The following TSPEAR variants were observed in gnomAD, a reference collection of about 807,000 sequenced individuals.
TSPEAR encodes thrombospondin type laminin G domain and EAR repeats.
In TSPEAR, 69 loss-of-function variants were observed where a neutral mutation model predicts 71.6. The observed-to-expected ratio is 0.96, with a 90% CI of 0.79 to 1.18. TSPEAR has a LOEUF of 1.18. Ranked by LOEUF, TSPEAR falls within the 50% of genes most tolerant of loss-of-function variation. TSPEAR has a pLI of 0.00. For synonymous variants in TSPEAR, 402 were observed against 387.2 expected (o/e 1.04, Z -0.45); for missense variants, 971 against 894.9 (o/e 1.09, Z -1.09).
chr21:44,587,057 A>G (rs1979382979), intron 1 of TSPEAR, among the ~76,000 whole-genome samples: 1 of 152,220 alleles, frequency 6.6e-6, no homozygotes, highest in South Asian at 2.1e-4. Flanking sequence ...GACAAGAGAA[A>G]GAAATAAAAG....
chr21:44,583,798 GTGA>G (rs10699043), intron 1 of TSPEAR, among the ~76,000 whole-genome samples: 129,923 of 152,060 alleles, frequency 0.85, 57,477 homozygotes, highest in Non-Finnish European at 0.97. Flanking sequence ...TACACATTGT[GTGA>G]TGATTACCAC....
chr21:44,646,266 T>G (rs910376086), intron 1 of TSPEAR: 30 of 723,242 alleles, frequency 4.1e-5, no homozygotes, highest in Non-Finnish European at 6.5e-5. Flanking sequence ...TAAACCAGCA[T>G]GAATGATGCA....
rs587768518 is a variant in TSPEAR, at chr21:44,514,389, C to T, written c.1567-5003G>A. ...GTACACACACGTGTGCATGAGTGTG[C>T]ATGTACATGTGTGTTGAGCCATGGG... is the stretch of plus-strand genomic sequence containing the variant. On this transcript the variant is annotated intron_variant, in intron 9 of 11. Coordinates refer to ENST00000323084, the MANE Select transcript of TSPEAR (RefSeq NM_144991.3). 3.3e-5 allele frequency among the ~76,000 whole-genome samples: 5 copies of T among 151,240 alleles called. No individual in the cohort carries two copies. In the South Asian group the frequency reaches 1.0e-3, roughly 31 times the overall value.
chr21:44,644,967 C>A (rs1984228935), intron 1 of TSPEAR, among the ~76,000 whole-genome samples: 1 of 152,044 alleles, frequency 6.6e-6, no homozygotes, highest in Non-Finnish European at 1.5e-5. Flanking sequence ...TGACAAATGA[C>A]CAGTATCAGA....
At chr21:44,616,767 C>T (rs114307599) in intron 1 of TSPEAR, among the ~76,000 whole-genome samples, 1,805 of 152,374 alleles carry the variant, frequency 0.012, 35 homozygotes, top group African/African-American at 0.041. Flanking sequence ...ACAGAGTCTG[C>T]GGTGTGACCA....
rs1178967120 is a variant in TSPEAR at position 44,710,362 on chromosome 21, G to A, written c.82+1071C>T. ...CTACCTCCCACTGCACAGCCCGAGG[G>A]CTGTCCTGGAGGCACAGCCATCCGT... is the stretch of plus-strand genomic sequence containing the variant. On this transcript the variant is annotated intron_variant, in intron 1 of 11. Coordinates refer to ENST00000323084, the MANE Select transcript of TSPEAR (RefSeq NM_144991.3). The surrounding 1 kb of genome is among the most constrained non-coding windows in gnomAD (Gnocchi z 4.6). Among the ~76,000 whole-genome samples, 4 of 151,922 alleles carry A rather than the reference G, an allele frequency of 2.6e-5. No homozygotes were observed. Among genetic ancestry groups the A allele is most frequent in the Non-Finnish European group, 2.9e-5 (2 of 67,974 alleles).
chr21:44,679,363 G>T (rs1555947552), intron 1 of TSPEAR, among the ~76,000 whole-genome samples: 1 of 152,092 alleles, frequency 6.6e-6, no homozygotes, highest in East Asian at 1.9e-4. Flanking sequence ...CCTCTGCAAA[G>T]AAAACTACAA....
chr21:44,529,702 G>C, intron 5 of TSPEAR, 96 bp downstream of exon 5: 1 of 1,405,132 alleles, frequency 7.1e-7, no homozygotes, highest in East Asian at 2.3e-5. Flanking sequence ...AGGCACACGA[G>C]AGGGGCTGAG....
intron 2 of TSPEAR, 145 bp from the exon 3 acceptor site, chr21:44,534,068 G>A: frequency 4.7e-6 from 3 of 634,230 alleles, no homozygotes; most frequent in South Asian, 1.8e-5. Context: ...GGGGCGCGGT[G>A]GATGGGAAGG....
At chr21:44,579,581 T>A in intron 1 of TSPEAR, 1 of 772,528 alleles carries the variant, frequency 1.3e-6, no homozygotes, top group Non-Finnish European at 2.0e-6. Flanking sequence ...GGTGGGCCCC[T>A]GCTGGGAGGC....
At chr21:44,648,000 C>T (rs1238454048) in intron 1 of TSPEAR, among the ~76,000 whole-genome samples, 1 of 152,348 alleles carries the variant, frequency 6.6e-6, no homozygotes, top group Non-Finnish European at 1.5e-5. Flanking sequence ...CAGTTGGGAC[C>T]TGAGAGCCCC....
rs963415322 is a variant in TSPEAR, at chr21:44,710,640, G to A, written c.82+793C>T. ...TCGCCTCCCCTGATAGCCGTGCTGC[G>A]GAGCCTGAGTGCTGGAGTCACTAAT... On this transcript the variant is annotated intron_variant, in intron 1 of 11. Coordinates refer to ENST00000323084, the MANE Select transcript of TSPEAR (RefSeq NM_144991.3). The surrounding 1 kb of genome is among the most constrained non-coding windows in gnomAD (Gnocchi z 4.6). 5.3e-5 allele frequency among the ~76,000 whole-genome samples: 8 copies of A among 152,228 alleles called. No individual in the cohort carries two copies. Among genetic ancestry groups the A allele is most frequent in the Admixed American group, 1.3e-4 (2 of 15,290 alleles).
At chr21:44,654,942 T>C (rs587618488) in intron 1 of TSPEAR, among the ~76,000 whole-genome samples, 27 of 152,238 alleles carry the variant, frequency 1.8e-4, no homozygotes, top group East Asian at 7.7e-4. Flanking sequence ...CCCCCCGTTG[T>C]AAATGCCATC....
chr21:44,545,530 A>G (rs1344652222), intron 2 of TSPEAR, among the ~76,000 whole-genome samples: 1 of 152,144 alleles, frequency 6.6e-6, no homozygotes, highest in Non-Finnish European at 1.5e-5. Context: ...ACTAGTCTTA[A>G]TAATTTAAAA....
chr21:44,652,172 A>T (rs1269169490), intron 1 of TSPEAR, among the ~76,000 whole-genome samples: 1 of 151,878 alleles, frequency 6.6e-6, no homozygotes, highest in African/African-American at 2.4e-5. Context: ...TTTAGTAGAG[A>T]CGGGGTTTCA....
At chr21:44,570,739 G>A (rs888237400) in intron 1 of TSPEAR, among the ~76,000 whole-genome samples, 1 of 152,136 alleles carries the variant, frequency 6.6e-6, no homozygotes, top group Admixed American at 6.5e-5. Flanking sequence ...GAAAATAGAG[G>A]AAACTGATTA....
At chr21:44,519,938 G>C (rs2052697761) in intron 9 of TSPEAR, 1 of 152,320 alleles carries the variant, frequency 6.6e-6, no homozygotes. Flanking sequence ...CCTACCTCCT[G>C]AGGCTGTTAC....
chr21:44,646,857 G>A (rs372885931), intron 1 of TSPEAR: 25 of 1,577,260 alleles, frequency 1.6e-5, no homozygotes, highest in Non-Finnish European at 2.1e-5. Flanking sequence ...CTAGCTGCCA[G>A]CCAGCTTGCT....
intron 2 of TSPEAR, among the ~76,000 whole-genome samples, chr21:44,544,507 A>G (rs2053269923): frequency 6.6e-6 from 1 of 152,234 alleles, no homozygotes; most frequent in African/African-American, 2.4e-5. Flanking sequence ...CTAGGATTAA[A>G]AGCCATTCTA....
Sources: gnomAD v4.1 joint callset for allele counts (sites outside exome capture counted in the v4.1 genomes callset) on GRCh38, gnomAD v4.1.1 for gene constraint, Gnocchi (gnomAD v3.1) non-coding constraint, MANE v1.5 for transcripts, NCBI Gene and HGNC (gene_info 2026-07-23, HGNC 2026-07-21) for gene names.